Variants in KCNH7 observed in about 807,000 individuals in gnomAD.
The protein encoded by KCNH7 is voltage-gated inwardly rectifying potassium channel KCNH7.
A neutral mutation model predicts 120.8 loss-of-function variants in KCNH7; 49 were observed. The ratio of observed to expected loss-of-function variants is 0.41; its 90% CI spans 0.32 to 0.51. KCNH7 has a LOEUF of 0.51. Ranked by LOEUF, KCNH7 falls within the 20% of genes least tolerant of loss-of-function variation. The pLI is 0.38. For synonymous variants in KCNH7, 547 were observed against 516.1 expected, an observed-to-expected ratio of 1.06 and a Z score of -0.81; for missense variants, 1,097 against 1,446.6, an observed-to-expected ratio of 0.76 and a Z score of 3.92.
intron 3 of KCNH7, among the ~76,000 whole-genome samples, chr2:162,531,800 G>A (rs1691934162): frequency 1.3e-5 from 2 of 151,796 alleles, no homozygotes; most frequent in South Asian, 4.2e-4. Context: ...AAAGAATATT[G>A]TACTGTCATT....
chr2:162,777,870 A>G (rs932398093), intron 2 of KCNH7, among the ~76,000 whole-genome samples: 4 of 152,170 alleles, frequency 2.6e-5, no homozygotes, highest in African/African-American at 9.6e-5. Context: ...TTGAACTAAC[A>G]GTAATTGCAT....
intron 9 of KCNH7, among the ~76,000 whole-genome samples, chr2:162,417,681 G>C (rs1048085217): frequency 6.6e-6 from 1 of 152,144 alleles, no homozygotes; most frequent in Non-Finnish European, 1.5e-5. Flanking sequence ...CTAAAGGTCA[G>C]ATCCTACCAC....
Position 162,408,048 on chromosome 2 carries a change from A to G in KCNH7, c.2155-7607T>C, listed in dbSNP as rs1687280515. 2.0e-5 allele frequency among the ~76,000 whole-genome samples: 3 copies of G among 152,166 alleles called. No individual in the cohort carries two copies. The South Asian group carries it at 6.2e-4, about 32-fold the overall frequency. ...CCAGTTTTCAAATTTGAAAGCAGAG[A>G]CAATGCATTAGGAATTTTATTTGTA... On this transcript the variant is annotated intron_variant, in intron 9 of 15. Transcript: ENST00000332142.
chr2:162,727,409 AGGTTT>A (rs1177279771), intron 2 of KCNH7, among the ~76,000 whole-genome samples: 1 of 152,172 alleles, frequency 6.6e-6, no homozygotes, highest in Non-Finnish European at 1.5e-5. Context: ...GTTTTGACAT[AGGTTT>A]AAACTCTACA....
chr2:162,403,965 G>A (rs1453227562), intron 9 of KCNH7, among the ~76,000 whole-genome samples: 1 of 151,964 alleles, frequency 6.6e-6, no homozygotes, highest in South Asian at 2.1e-4. Context: ...TTTATCCAGG[G>A]CACCCCTTTT....
Position 162,665,937 on chromosome 2 carries a change from T to C in KCNH7, c.308-128857A>G, listed in dbSNP as rs561189211. The stretch of plus-strand genomic sequence containing the variant: ...ATGTGATAAGGTATGTGAAAACTAG[T>C]ATTTTGCACAGCATGGTACACATAT... On this transcript the variant is annotated intron_variant, in intron 2 of 15. Transcript: ENST00000332142. 9.2e-5 allele frequency among the ~76,000 whole-genome samples: 14 copies of C among 152,320 alleles called. No homozygotes were observed. In the South Asian group the frequency reaches 2.7e-3, roughly 29 times the overall value.
chr2:162,510,226 C>T (rs1232864835), intron 5 of KCNH7, among the ~76,000 whole-genome samples: 1 of 151,336 alleles, frequency 6.6e-6, no homozygotes, highest in Non-Finnish European at 1.5e-5. Context: ...AATCATAATG[C>T]TAAGAAAATT....
chr2:162,790,229 G>A (rs775545796), intron 2 of KCNH7, among the ~76,000 whole-genome samples: 2 of 151,624 alleles, frequency 1.3e-5, no homozygotes, highest in Admixed American at 6.6e-5. Context: ...TTGGATAACC[G>A]AGAAGAAATG....
At chr2:162,692,669 GA>G (rs1574273380) in intron 2 of KCNH7, among the ~76,000 whole-genome samples, 1 of 151,976 alleles carries the variant, frequency 6.6e-6, no homozygotes, top group East Asian at 1.9e-4. Flanking sequence ...CACCATGCAG[GA>G]AAAAAGCAGT....
rs569647061 is a variant in KCNH7 at position 162,515,686 on chromosome 2, C to T, written c.892+2044G>A. 3.3e-5 allele frequency among the ~76,000 whole-genome samples: 5 copies of T among 151,890 alleles called. No homozygotes were observed. The South Asian group carries it at 1.0e-3, about 31-fold the overall frequency. On this transcript the variant is annotated intron_variant, in intron 4 of 15. Transcript: ENST00000332142. Reference sequence around the variant, plus strand: ...GGACTCACTGATCAAAGATCAAATTCTAGCGGTTTCATTCTGTCAGGAAAT... The same window carrying T: ...GGACTCACTGATCAAAGATCAAATTTTAGCGGTTTCATTCTGTCAGGAAAT...
intron 8 of KCNH7, among the ~76,000 whole-genome samples, chr2:162,428,814 A>C (rs1351115051): frequency 6.6e-6 from 1 of 151,892 alleles, no homozygotes; most frequent in Non-Finnish European, 1.5e-5. Flanking sequence ...CATTGTCTGA[A>C]GTTAATACTG....
At chr2:162,586,200 C>A (rs1694014464) in intron 2 of KCNH7, among the ~76,000 whole-genome samples, 1 of 152,060 alleles carries the variant, frequency 6.6e-6, no homozygotes, top group Admixed American at 6.6e-5. Context: ...TCTAATCCCA[C>A]TCTCCTTGAA....
intron 2 of KCNH7, among the ~76,000 whole-genome samples, chr2:162,633,280 G>T (rs1221366758): frequency 6.6e-6 from 1 of 151,668 alleles, no homozygotes; most frequent in Non-Finnish European, 1.5e-5. Flanking sequence ...AATAAACTTG[G>T]CCGAAATAAT....
intron 9 of KCNH7, among the ~76,000 whole-genome samples, chr2:162,421,589 G>A (rs1166086764): frequency 2.0e-5 from 3 of 152,132 alleles, no homozygotes; most frequent in Non-Finnish European, 4.4e-5. Flanking sequence ...CAATTTACAC[G>A]ATAATTAAAT....
chr2:162,774,996 A>G (rs991433753), intron 2 of KCNH7, among the ~76,000 whole-genome samples: 4 of 152,322 alleles, frequency 2.6e-5, no homozygotes, highest in African/African-American at 9.6e-5. Context: ...TATAAATAAA[A>G]CAGTGATGAG....
At chr2:162,499,901 AT>A (rs1690618419) in intron 6 of KCNH7, among the ~76,000 whole-genome samples, 1 of 152,038 alleles carries the variant, frequency 6.6e-6, no homozygotes, top group South Asian at 2.1e-4. Context: ...AAGGGTTTAT[AT>A]TCCCCAAACA....
intron 9 of KCNH7, among the ~76,000 whole-genome samples, chr2:162,410,981 A>G (rs1016152137): frequency 6.6e-6 from 1 of 152,150 alleles, no homozygotes; most frequent in African/African-American, 2.4e-5. Flanking sequence ...AGAAGAGTGA[A>G]CACTTGTACA....
intron 2 of KCNH7, among the ~76,000 whole-genome samples, chr2:162,794,768 T>C (rs1005598746): frequency 6.6e-6 from 1 of 152,020 alleles, no homozygotes; most frequent in Non-Finnish European, 1.5e-5. Context: ...ATTAGTAATA[T>C]ACGACAATGC....
intron 15 of KCNH7, among the ~76,000 whole-genome samples, chr2:162,372,577 GTTAAA>G (rs1168547978): frequency 6.7e-6 from 1 of 148,696 alleles, no homozygotes; most frequent in East Asian, 1.9e-4. Context: ...TTCAAAACTA[GTTAAA>G]TTAATTTCTA....
Sources: allele counts gnomAD v4.1 joint callset (sites outside exome capture counted in the v4.1 genomes callset), GRCh38; gene constraint gnomAD v4.1.1; transcripts MANE v1.5; gene names NCBI Gene and HGNC (gene_info 2026-07-23, HGNC 2026-07-21).